The following SMG9 variants were observed in gnomAD, a reference collection of about 807,000 sequenced individuals.
SMG9 encodes SMG9 nonsense mediated mRNA decay factor.
Under a neutral mutation model 64.0 loss-of-function variants are expected in SMG9, and 55 were observed. The observed-to-expected ratio is 0.86, with a 90% confidence interval of 0.69 to 1.08. The LOEUF is 1.08. Among genes scored for constraint, SMG9 ranks in the 50% least tolerant of loss-of-function variants. The pLI is 0.00. For synonymous variants in SMG9, 244 were observed against 254.8 expected, an observed-to-expected ratio of 0.96 and a Z score of 0.41; for missense variants, 554 against 681.3, an observed-to-expected ratio of 0.81 and a Z score of 2.08.
At chr19:43,748,288 C>T (rs1037955957) in intron 2 of SMG9, among the ~76,000 whole-genome samples, 1 of 152,216 alleles carries the variant, frequency 6.6e-6, no homozygotes, top group Non-Finnish European at 1.5e-5. Context: ...AGAACCAAAT[C>T]CTCAAGCATT....
rs200343124 is a variant in SMG9 at position 43,750,209 on chromosome 19, T to C, written c.150+383A>G. 1.5e-3 allele frequency: 773 copies of C among 529,100 alleles called. 1 individual carries two copies. The highest frequency in any genetic ancestry group is 1.9e-3 in the Non-Finnish European group (519 of 266,188). The allele number at this position is 529,100 out of a possible 1,614,324, so 32.8% of individuals were successfully genotyped here. On this transcript the variant is annotated intron_variant, in intron 2 of 13. Transcript: ENST00000270066. ...TTGGCCCCAGTTACTTGACTTCATC[T>C]CCTATCTCTCTCCCTCCTTCCTCAT...
chr19:43,747,169 T>C (rs1969039559), intron 5 of SMG9, among the ~76,000 whole-genome samples: 1 of 152,154 alleles, frequency 6.6e-6, no homozygotes, highest in African/African-American at 2.4e-5. Context: ...TCCCCTGCTG[T>C]GGATGGCACG....
intron 9 of SMG9, among the ~76,000 whole-genome samples, chr19:43,736,966 C>A (rs760279015): frequency 1.4e-4 from 21 of 152,096 alleles, no homozygotes; most frequent in Non-Finnish European, 2.1e-4. Flanking sequence ...AGCCATGAGG[C>A]CCTGTGGCTT....
At chr19:43,736,765 T>C (rs1426106394) in intron 9 of SMG9, among the ~76,000 whole-genome samples, 1 of 152,170 alleles carries the variant, frequency 6.6e-6, no homozygotes, top group Admixed American at 6.5e-5. Flanking sequence ...AGTATCCTAT[T>C]AAGGAGAGGT....
chr19:43,737,600 T>TA lies in SMG9; in HGVS notation c.991dup (p.Tyr331LeufsTer29), dbSNP rs1968711532. 1 of 1,613,164 alleles carries TA rather than the reference T, an allele frequency of 6.2e-7. No individual in the cohort carries two copies. ...CTCCAACCCCTCAGCTCCTCACCTG[T>TA]AGAGACTGAGGTCTGTGAACCAGTC... is the stretch of plus-strand genomic sequence containing the variant. On this transcript the variant is annotated frameshift_variant, in exon 9 of 14. Transcript: ENST00000270066. LOFTEE classifies it high-confidence loss of function.
In SMG9 at chr19:43,734,456, T is replaced by G; in HGVS notation, c.1035A>C (p.Pro345=). ...AGCTGCTGGACTCGTGGCTGGGGGA[T>G]GGGGTGGAGGGCTTCACCATCTCTG... The part of the protein sequence containing the change: ...QTAEMVKPST[P]SPSHESSSSS... Residue 345 remains proline (P), a synonymous_variant, in exon 10 of 14, where the codon CCA becomes CCC. Transcript: ENST00000270066. The G allele has an allele frequency of 6.4e-7, 1 of 1,562,676 alleles. No individual in the cohort carries two copies. The highest frequency in any genetic ancestry group is 8.7e-7 in the Non-Finnish European group (1 of 1,152,974).
In SMG9 at chr19:43,732,970, G is replaced by C; in HGVS notation, c.1372C>G (p.Pro458Ala). Residue 458 changes from proline (P) to alanine (A), a missense_variant, in exon 13 of 14, where the codon CCT (proline) becomes GCT (alanine). Physicochemically the swap from Pro to Ala is conservative, Grantham distance 27 (BLOSUM62 -1). Transcript: ENST00000270066. ...PGSSPLFSLL[P>A]GYRGHPSFQS... Reference sequence around the variant, plus strand: ...AAACTGGGGTGGCCACGATACCCAGGCAGCAGGGAGAAGAGTGGGCTGGAA... The same window carrying C: ...AAACTGGGGTGGCCACGATACCCAGCCAGCAGGGAGAAGAGTGGGCTGGAA... 6.2e-7 allele frequency: 1 copy of C among 1,613,648 alleles called. No individual in the cohort carries two copies. The highest frequency in any genetic ancestry group is 1.7e-5 in the Admixed American group (1 of 59,906).
intron 12 of SMG9, 54 bp from the exon 13 acceptor site, chr19:43,733,056 C>A: frequency 1.9e-6 from 3 of 1,548,770 alleles, no homozygotes; most frequent in Non-Finnish European, 2.6e-6. Context: ...GGTCTTTCTC[C>A]CAGTTAACAG....
chr19:43,747,754 G>A lies in SMG9; in HGVS notation c.369C>T (p.Ala123=), dbSNP rs151103653. Residue 123 remains alanine (A), a synonymous_variant, in exon 4 of 14, where the codon GCC becomes GCT. Transcript: ENST00000270066. ...GCGCAGGGGCTGCAGGGGGTGGTGG[G>A]GCGGTGCCCTCAGGGGTAGAGGCAC... ...VTGASTPEGT[A]PPPPAAPAPP... is the part of the protein sequence containing the mutation. 5.7e-5 allele frequency: 92 copies of A among 1,609,768 alleles called. No individual in the cohort carries two copies. In the African/African-American group the frequency reaches 1.2e-3, roughly 21 times the overall value.
chr19:43,731,707 C>T, intron 13 of SMG9, 33 bp from the exon 14 acceptor site: 1 of 1,613,890 alleles, frequency 6.2e-7, no homozygotes, highest in South Asian at 1.1e-5. Flanking sequence ...GGCTGCCTGG[C>T]CGGGGCTCCC....
In SMG9 at chr19:43,747,831, T is replaced by G; in HGVS notation, c.292A>C (p.Ile98Leu). ...TCCTCCCGTGGCTTCATGAGAACGA[T>G]GGGCTTCTCCAGAGGGGCTGGAGCA... Reference protein sequence around the residue: ...PPAPAPLEKPIVLMKPREEGK... With the variant: ...PPAPAPLEKPLVLMKPREEGK... Residue 98 changes from isoleucine to leucine, a missense_variant, in exon 4 of 14, where the codon ATC becomes CTC. Physicochemically the swap from Ile to Leu is conservative, Grantham distance 5. Transcript: ENST00000270066. 1 of 1,605,888 alleles carries G rather than the reference T, an allele frequency of 6.2e-7. No homozygotes were observed. The highest frequency in any genetic ancestry group is 1.1e-5 in the South Asian group (1 of 90,120).
intron 12 of SMG9, 145 bp downstream of exon 12, chr19:43,733,179 C>A: frequency 7.3e-7 from 1 of 1,364,896 alleles, no homozygotes; most frequent in Non-Finnish European, 1.0e-6. Flanking sequence ...CAGGAACAAA[C>A]CAGGATCTTC....
chr19:43,747,340 A>G, intron 5 of SMG9, 102 bp downstream of exon 5: 1 of 1,103,310 alleles, frequency 9.1e-7, no homozygotes, highest in Non-Finnish European at 1.3e-6. Context: ...CACTGCTGTA[A>G]GTTGCCTCAA....
At chr19:43,733,886 G>A in intron 10 of SMG9, 153 bp from the exon 11 acceptor site, 2 of 628,196 alleles carry the variant, frequency 3.2e-6, no homozygotes, top group South Asian at 1.9e-5. Context: ...CAGGCTCTGT[G>A]TAGGGCAATG....
intron 8 of SMG9, 82 bp from the exon 9 acceptor site, chr19:43,737,764 C>T: frequency 7.1e-7 from 1 of 1,400,554 alleles, no homozygotes; most frequent in African/African-American, 1.4e-5. Flanking sequence ...GGACTCAGTT[C>T]AGGAGGCAGC....
At chr19:43,745,390 T>C (rs1463286960) in intron 5 of SMG9, among the ~76,000 whole-genome samples, 3 of 152,100 alleles carry the variant, frequency 2.0e-5, no homozygotes, top group African/African-American at 4.8e-5. Context: ...CATATGCTGT[T>C]GTCTGTGGGA....
At position 43,751,158 on chromosome 19, in the gene SMG9, AG is replaced by A. The variant is rs763884146; in HGVS notation, c.-6-412del. ...TCCTTTCTTCTTTTTTTTGAGACAG[AG>A]TTTCGCTCTTGTCACCGAGGCTGGA... On this transcript the variant is annotated intron_variant, in intron 1 of 13. Coordinates refer to ENST00000270066, the MANE Select transcript of SMG9 (RefSeq NM_019108.4). Among the ~76,000 whole-genome samples the A allele has an allele frequency of 1.3e-4, 19 of 148,310 alleles. No homozygotes were observed. In the East Asian group the frequency reaches 1.4e-3, roughly 11 times the overall value.
chr19:43,742,346 G>C (rs1459548642), intron 6 of SMG9, among the ~76,000 whole-genome samples: 2 of 152,148 alleles, frequency 1.3e-5, no homozygotes, highest in South Asian at 2.1e-4. Context: ...GCCAAGGTGG[G>C]AGGATGGCTT....
At chr19:43,752,917 G>C in intron 1 of SMG9, among the ~76,000 whole-genome samples, 1 of 98,650 alleles carries the variant, frequency 1.0e-5, no homozygotes, top group South Asian at 2.7e-4. Context: ...AAAAAAAAAA[G>C]CAGAACCCTG....
Sources: gnomAD v4.1 joint callset for allele counts (sites outside exome capture counted in the v4.1 genomes callset) on GRCh38, gnomAD v4.1.1 for gene constraint, MANE v1.5 for transcripts, NCBI Gene and HGNC (gene_info 2026-07-23, HGNC 2026-07-21) for gene names.